PDZRN4: variants seen among roughly 807,000 people sequenced by gnomAD.
The protein encoded by PDZRN4 is PDZ domain-containing RING finger protein 4.
Under a neutral mutation model 99.0 loss-of-function variants are expected in PDZRN4, and 70 were observed. The ratio of observed to expected loss-of-function variants is 0.71; its 90% CI spans 0.58 to 0.86. The LOEUF (loss-of-function observed/expected upper bound fraction) is 0.86. PDZRN4 is among the 40% of genes least tolerant of loss of function. The pLI is 0.00. For synonymous variants in PDZRN4, 551 were observed against 501.6 expected, an observed-to-expected ratio of 1.10 and a Z score of -1.32; for missense variants, 1,474 against 1,331.2, an observed-to-expected ratio of 1.11 and a Z score of -1.67.
At chr12:41,557,482 ATC>A (rs1371802471) in intron 7 of PDZRN4, among the ~76,000 whole-genome samples, 1 of 152,144 alleles carries the variant, frequency 6.6e-6, no homozygotes, top group Non-Finnish European at 1.5e-5. Context: ...GGAGCACACC[ATC>A]TCTGTTTAGG....
chr12:41,245,267 G>C (rs1951127045), intron 3 of PDZRN4, among the ~76,000 whole-genome samples: 1 of 152,166 alleles, frequency 6.6e-6, no homozygotes. Context: ...ACCTGGAACA[G>C]TGCAGCCTCC....
intron 3 of PDZRN4, among the ~76,000 whole-genome samples, chr12:41,287,804 A>G (rs1207670260): frequency 2.6e-5 from 4 of 152,072 alleles, no homozygotes; most frequent in African/African-American, 9.7e-5. Flanking sequence ...AAACTCCCCA[A>G]CCCCCTTCAG....
chr12:41,415,197 T>G (rs1952434109), intron 3 of PDZRN4, among the ~76,000 whole-genome samples: 1 of 152,020 alleles, frequency 6.6e-6, no homozygotes, highest in Admixed American at 6.6e-5. Flanking sequence ...TGAGACCAGT[T>G]TTGTGCTGTT....
intron 7 of PDZRN4, among the ~76,000 whole-genome samples, chr12:41,557,041 C>T (rs1280864016): frequency 6.7e-6 from 1 of 149,782 alleles, no homozygotes; most frequent in Non-Finnish European, 1.5e-5. Context: ...ATCCCACCTA[C>T]TTGGGAGGCT....
At chr12:41,349,626 T>C (rs1051169774) in intron 3 of PDZRN4, among the ~76,000 whole-genome samples, 2 of 152,032 alleles carry the variant, frequency 1.3e-5, no homozygotes, top group African/African-American at 4.8e-5. Flanking sequence ...TTAAAAACAT[T>C]AATTAACTCT....
intron 3 of PDZRN4, among the ~76,000 whole-genome samples, chr12:41,214,430 T>TAAAAAAAAAAAAAAA (rs536246838): frequency 0.042 from 1,415 of 33,706 alleles, 174 homozygotes; most frequent in African/African-American, 0.068. Context: ...CCCTGTCCCC[T>TAAAAAAAAAAAAAAA]AAAAAAAAAA....
intron 3 of PDZRN4, among the ~76,000 whole-genome samples, chr12:41,279,117 G>A (rs972913202): frequency 2.1e-4 from 32 of 152,138 alleles, no homozygotes; most frequent in Admixed American, 3.9e-4. Flanking sequence ...CGCAGGGTTC[G>A]GGTATACAGT....
chr12:41,466,893 G>C (rs989174884), intron 3 of PDZRN4, among the ~76,000 whole-genome samples: 3 of 152,144 alleles, frequency 2.0e-5, no homozygotes, highest in Non-Finnish European at 2.9e-5. Context: ...AAAAGAGTAG[G>C]AAGACAAGAG....
chr12:41,547,857 G>A (rs7977542), intron 5 of PDZRN4, among the ~76,000 whole-genome samples: 4,744 of 152,182 alleles, frequency 0.031, 268 homozygotes, highest in African/African-American at 0.11. Flanking sequence ...TTTTTAAGGG[G>A]ATTCACAGCC....
intron 3 of PDZRN4, among the ~76,000 whole-genome samples, chr12:41,228,276 A>G (rs1047073533): frequency 1.3e-5 from 2 of 152,192 alleles, no homozygotes; most frequent in Non-Finnish European, 2.9e-5. Context: ...TTATGTCATC[A>G]TAATTATCTT....
chr12:41,259,681 A>C (rs1418866253), intron 3 of PDZRN4, among the ~76,000 whole-genome samples: 1 of 152,150 alleles, frequency 6.6e-6, no homozygotes, highest in East Asian at 1.9e-4. Flanking sequence ...TTAAAATAAA[A>C]ATAAAATCTT....
At chr12:41,404,368 C>G (rs969310820) in intron 3 of PDZRN4, among the ~76,000 whole-genome samples, 4 of 151,978 alleles carry the variant, frequency 2.6e-5, no homozygotes, top group African/African-American at 9.7e-5. Flanking sequence ...CAATAACGTC[C>G]AGGTTGAGAG....
intron 7 of PDZRN4, among the ~76,000 whole-genome samples, chr12:41,556,255 T>C (rs1034652081): frequency 6.6e-6 from 1 of 152,264 alleles, no homozygotes; most frequent in African/African-American, 2.4e-5. Context: ...CTTTGCTATA[T>C]GAAAGTCTAG....
At chr12:41,463,783 T>C (rs1952896267) in intron 3 of PDZRN4, among the ~76,000 whole-genome samples, 1 of 152,186 alleles carries the variant, frequency 6.6e-6, no homozygotes, top group Non-Finnish European at 1.5e-5. Context: ...TCCATTCCTG[T>C]TGAATTTATT....
At chr12:41,485,599 G>A (rs1441720314) in intron 3 of PDZRN4, among the ~76,000 whole-genome samples, 1 of 151,724 alleles carries the variant, frequency 6.6e-6, no homozygotes, top group Non-Finnish European at 1.5e-5. Context: ...ATTTCTATAT[G>A]AGGTTATATG....
chr12:41,409,447 G>A (rs919433100), intron 3 of PDZRN4: 1 of 152,114 alleles, frequency 6.6e-6, no homozygotes, highest in Non-Finnish European at 1.5e-5. Flanking sequence ...CAGGAGCATT[G>A]AGGAGAAATA....
intron 5 of PDZRN4, among the ~76,000 whole-genome samples, chr12:41,547,557 G>GACA (rs1938978515): frequency 6.6e-6 from 1 of 152,026 alleles, no homozygotes; most frequent in African/African-American, 2.4e-5. Flanking sequence ...ACCTGGGAGT[G>GACA]GAGGTTGCAG....
chr12:41,215,021 T>C (rs1346044344), intron 3 of PDZRN4, among the ~76,000 whole-genome samples: 1 of 152,070 alleles, frequency 6.6e-6, no homozygotes, highest in East Asian at 1.9e-4. Flanking sequence ...AAGAGACTCA[T>C]GAGAGATGTA....
At position 41,572,515 on chromosome 12, in the gene PDZRN4, G is replaced by A. The variant is rs750685350; in HGVS notation, c.1736G>A (p.Ser579Asn). 4 of 1,613,976 alleles carry A rather than the reference G, an allele frequency of 2.5e-6. No homozygotes were observed. Among genetic ancestry groups the A allele is most frequent in the Non-Finnish European group, 3.4e-6 (4 of 1,180,010 alleles). Residue 579 changes from serine (S) to asparagine (N), a missense_variant, in exon 10 of 10, where the codon AGC becomes AAC. By Grantham distance (46) the Ser-to-Asn change is conservative. Coordinates refer to ENST00000402685, the MANE Select transcript of PDZRN4 (RefSeq NM_001164595.2). ...EQENAAEDPN[S>N]TSLKSKRDLG... ...GAGAATGCAGCCGAGGACCCCAATA[G>A]CACATCTTTGAAGAGCAAGAGAGAC...
Sources: gnomAD v4.1 joint callset for allele counts (sites outside exome capture counted in the v4.1 genomes callset) on GRCh38, gnomAD v4.1.1 for gene constraint, MANE v1.5 for transcripts, NCBI Gene and HGNC (gene_info 2026-07-23, HGNC 2026-07-21) for gene names.